The following NHS variants were observed in gnomAD, a reference collection of about 807,000 sequenced individuals.
The protein encoded by NHS is NHS actin remodeling regulator.
NHS carries 5 observed loss-of-function variants against 72.5 expected under a neutral mutation model. The observed-to-expected ratio is 0.07, with a 90% CI of 0.04 to 0.14. The LOEUF (loss-of-function observed/expected upper bound fraction) is 0.14, where lower values mean the gene tolerates loss of function less well. NHS is among the 10% of genes least tolerant of loss of function. NHS has a pLI of 1.00. For missense variants in NHS, 1,072 were observed against 1,355.7 expected, an observed-to-expected ratio of 0.79 and a Z score of 3.29; for synonymous variants, 464 against 547.7, an observed-to-expected ratio of 0.85 and a Z score of 2.13.
intron 1 of NHS, among the ~76,000 whole-genome samples, chrX:17,393,961 G>GGAAA (rs2064459329): frequency 9.0e-6 from 1 of 111,445 alleles, no homozygotes; most frequent in Non-Finnish European, 1.9e-5. Context: ...TGACTCCGTT[G>GGAAA]CTGAGTTTGA....
intron 1 of NHS, among the ~76,000 whole-genome samples, chrX:17,454,920 G>T (rs954855315): frequency 2.7e-5 from 3 of 111,562 alleles, no homozygotes; most frequent in African/African-American, 9.8e-5. Flanking sequence ...CTGTCAAATT[G>T]CAATAAGAGA....
rs1195327394 is a variant in NHS, at chrX:17,735,500, TTTTGA to T, written c.*3041_*3045del. On this transcript the variant is annotated 3_prime_UTR_variant, in exon 9 of 9. Coordinates refer to ENST00000676302, the MANE Select transcript of NHS (RefSeq NM_001291867.2). ...AAATTCTACTTTGGTTTTGTTGTTG[TTTTGA>T]TTTGTTTTTGGCTAAGTAGAGGACA... 8.9e-6 allele frequency: 1 copy of T among 112,940 alleles called. No homozygotes were observed. The highest frequency in any genetic ancestry group is 1.9e-5 in the Non-Finnish European group (1 of 53,327). 9.3% of individuals were successfully genotyped at this position (112,940 alleles called of 1,213,427 possible).
At position 17,461,159 on chromosome X, in the gene NHS, G is replaced by A. The variant is rs188558852; in HGVS notation, c.565+84837G>A. 9.8e-5 allele frequency among the ~76,000 whole-genome samples: 11 copies of A among 112,122 alleles called. No homozygotes were observed. In the East Asian group the frequency reaches 3.1e-3, roughly 31 times the overall value. On this transcript the variant is annotated intron_variant, in intron 1 of 8. Coordinates refer to ENST00000676302, the MANE Select transcript of NHS (RefSeq NM_001291867.2). ...AGACTCAGATCCACGTGATCAAGTG[G>A]ATTCTCTAGGGCCACACAGAATTCC... is the stretch of plus-strand genomic sequence containing the variant.
intron 3 of NHS, among the ~76,000 whole-genome samples, chrX:17,707,353 G>T (rs2066302304): frequency 8.9e-6 from 1 of 112,451 alleles, no homozygotes; most frequent in African/African-American, 3.2e-5. Context: ...TGTATTGTTT[G>T]CCAGACTTGA....
At chrX:17,541,022 A>C (rs751583277) in intron 1 of NHS, among the ~76,000 whole-genome samples, 20 of 111,986 alleles carry the variant, frequency 1.8e-4, no homozygotes, top group Admixed American at 1.0e-3. Flanking sequence ...CAATGAGCCA[A>C]GATTGCACCA....
chrX:17,456,162 T>C (rs1380064130), intron 1 of NHS, among the ~76,000 whole-genome samples: 1 of 112,027 alleles, frequency 8.9e-6, no homozygotes, highest in Non-Finnish European at 1.9e-5. Flanking sequence ...GAAGAACTCA[T>C]GTATGGAGAT....
intron 1 of NHS, among the ~76,000 whole-genome samples, chrX:17,571,175 T>C (rs2065476084): frequency 8.9e-6 from 1 of 112,352 alleles, no homozygotes; most frequent in Non-Finnish European, 1.9e-5. Flanking sequence ...AGGATGATGC[T>C]GGCCTCATAA....
At chrX:17,568,520 C>CT (rs201549928) in intron 1 of NHS, among the ~76,000 whole-genome samples, 1,540 of 97,871 alleles carry the variant, frequency 0.016, 18 homozygotes, top group African/African-American at 0.04. Flanking sequence ...CTAAGTAAAT[C>CT]TTTTTTTTTT....
At chrX:17,622,936 AT>A (rs766725668) in intron 1 of NHS, among the ~76,000 whole-genome samples, 14 of 107,688 alleles carry the variant, frequency 1.3e-4, no homozygotes, top group East Asian at 8.8e-4. Context: ...TTAAAAAAAA[AT>A]TTTTTTTTTA....
At chrX:17,559,906 T>C (rs2065403716) in intron 1 of NHS, among the ~76,000 whole-genome samples, 1 of 111,734 alleles carries the variant, frequency 8.9e-6, no homozygotes, top group African/African-American at 3.3e-5. Flanking sequence ...TTCCTTCTCT[T>C]CCCTGTTTTA....
At chrX:17,643,493 T>C (rs1480564199) in intron 1 of NHS, among the ~76,000 whole-genome samples, 1 of 111,501 alleles carries the variant, frequency 9.0e-6, no homozygotes, top group Non-Finnish European at 1.9e-5. Context: ...AGAAGGAATT[T>C]AGTTCTGATC....
At chrX:17,522,502 C>A (rs369293843) in intron 1 of NHS, among the ~76,000 whole-genome samples, 5 of 64,676 alleles carry the variant, frequency 7.7e-5, no homozygotes, top group East Asian at 6.1e-4. Flanking sequence ...CGCCCCCCCC[C>A]CCCCGCCCCA....
At chrX:17,547,167 A>AT (rs2065297898) in intron 1 of NHS, among the ~76,000 whole-genome samples, 2 of 111,745 alleles carry the variant, frequency 1.8e-5, no homozygotes, top group South Asian at 3.7e-4. Flanking sequence ...TGCAGGTATG[A>AT]TTTTTTCCTT....
chrX:17,422,719 G>A (rs2064630450), intron 1 of NHS, among the ~76,000 whole-genome samples: 3 of 111,980 alleles, frequency 2.7e-5, no homozygotes, highest in South Asian at 3.8e-4. Context: ...TAAACCTACT[G>A]CCACTGCTTT....
intron 1 of NHS, among the ~76,000 whole-genome samples, chrX:17,616,540 A>G (rs1377414497): frequency 8.0e-5 from 9 of 112,884 alleles, no homozygotes; most frequent in Non-Finnish European, 1.3e-4. Context: ...AACTATTACC[A>G]TTTCAAAATG....
chrX:17,731,510 T>C (rs148352073), intron 8 of NHS, among the ~76,000 whole-genome samples: 5,293 of 110,702 alleles, frequency 0.048, 340 homozygotes, highest in African/African-American at 0.16. Context: ...AGTGCTGGGA[T>C]TACAGGTGTG....
At chrX:17,650,386 T>A (rs2065925360) in intron 1 of NHS, among the ~76,000 whole-genome samples, 2 of 112,391 alleles carry the variant, frequency 1.8e-5, no homozygotes, top group Non-Finnish European at 3.8e-5. Context: ...GTAGAGAAAA[T>A]TTTACAGATC....
intron 1 of NHS, among the ~76,000 whole-genome samples, chrX:17,482,070 A>T (rs1664952996): frequency 8.9e-6 from 1 of 112,279 alleles, no homozygotes; most frequent in Admixed American, 9.4e-5. Flanking sequence ...GACCTTGGGC[A>T]AGTAGCTTTA....
rs967450541 is a variant in NHS, at chrX:17,515,845, A to G, written c.565+139523A>G. 4.5e-5 allele frequency among the ~76,000 whole-genome samples: 5 copies of G among 111,748 alleles called. No homozygotes were observed. The South Asian group carries it at 1.1e-3, about 25-fold the overall frequency. ...GCAGCTAGTAGGTGGCCAAACTACA[A>G]TTGGAACTCAGGCAGTCTGGGTTCT... On this transcript the variant is annotated intron_variant, in intron 1 of 8. Coordinates refer to ENST00000676302, the MANE Select transcript of NHS (RefSeq NM_001291867.2).
Sources: allele counts gnomAD v4.1 joint callset (sites outside exome capture counted in the v4.1 genomes callset), GRCh38; gene constraint gnomAD v4.1.1; transcripts MANE v1.5; gene names NCBI Gene and HGNC (gene_info 2026-07-23, HGNC 2026-07-21).